The following CSNK1G3 variants were observed in gnomAD, a reference collection of about 807,000 sequenced individuals.
CSNK1G3 encodes casein kinase 1 gamma 3, also known as casein kinase I isoform gamma-3.
CSNK1G3 carries 23 observed loss-of-function variants against 64.3 expected under a neutral mutation model. The observed-to-expected ratio is 0.36, with a 90% CI of 0.26 to 0.51. CSNK1G3 has a LOEUF of 0.51. CSNK1G3 is among the 20% of genes least tolerant of loss of function. The probability of loss-of-function intolerance (pLI) is 0.96; values close to 1 mark genes in which losing one functional copy is unlikely to be tolerated. For missense variants in CSNK1G3, 357 were observed against 510.5 expected, an observed-to-expected ratio of 0.70 and a Z score of 2.90; for synonymous variants, 158 against 162.2, an observed-to-expected ratio of 0.97 and a Z score of 0.20.
chr5:123,526,397 T>C (rs978870103), intron 1 of CSNK1G3, among the ~76,000 whole-genome samples: 4 of 152,064 alleles, frequency 2.6e-5, no homozygotes, highest in Admixed American at 6.5e-5. Flanking sequence ...TAAAATTAAA[T>C]TTATTAGTGG....
At chr5:123,588,024 A>G in intron 6 of CSNK1G3, 44 bp from the exon 7 acceptor site, 1 of 1,252,624 alleles carries the variant, frequency 8.0e-7, no homozygotes, top group Non-Finnish European at 1.1e-6. Context: ...TTCCATTCTT[A>G]ACTGTTAGAG....
Position 123,532,551 on chromosome 5 carries a change from CTG to C in CSNK1G3, c.-247-12863_-247-12862del, listed in dbSNP as rs767362668. Among the ~76,000 whole-genome samples the C allele has an allele frequency of 5.3e-5, 8 of 151,866 alleles. No individual in the cohort carries two copies. The South Asian group carries it at 1.0e-3, about 20-fold the overall frequency. On this transcript the variant is annotated intron_variant, in intron 1 of 12. Coordinates refer to ENST00000345990, the Ensembl canonical transcript of CSNK1G3. ...CTTTTGATATCAAACCTGTTGAAAA[CTG>C]TGGTTTTCTCTTTAGAAAATTCTCA...
intron 10 of CSNK1G3, among the ~76,000 whole-genome samples, chr5:123,598,135 A>G (rs1793784133): frequency 6.6e-6 from 1 of 152,156 alleles, no homozygotes; most frequent in Non-Finnish European, 1.5e-5. Context: ...ATATTCAGAT[A>G]TCTACTACCT....
chr5:123,539,437 T>TA (rs375475060), intron 1 of CSNK1G3, among the ~76,000 whole-genome samples: 64,297 of 132,996 alleles, frequency 0.48, 15,690 homozygotes, highest in Middle Eastern at 0.61. Context: ...AAGAGCAGAT[T>TA]AAAAAAAAAA....
chr5:123,611,940 A>G (rs1244091269), intron 12 of CSNK1G3, among the ~76,000 whole-genome samples: 3 of 152,226 alleles, frequency 2.0e-5, no homozygotes, highest in Admixed American at 6.5e-5. Flanking sequence ...TATCTTTTAG[A>G]AAGTAATTGA....
intron 3 of CSNK1G3, among the ~76,000 whole-genome samples, chr5:123,553,812 G>C (rs1305631361): frequency 1.3e-5 from 2 of 152,188 alleles, no homozygotes; most frequent in Admixed American, 1.3e-4. Flanking sequence ...TTTGCAGCCA[G>C]GTTTCCCTGT....
At chr5:123,544,726 A>T (rs1297029046) in intron 1 of CSNK1G3, among the ~76,000 whole-genome samples, 1 of 152,236 alleles carries the variant, frequency 6.6e-6, no homozygotes, top group Non-Finnish European at 1.5e-5. Flanking sequence ...TTTTATCTGC[A>T]TGTTAGAAAT....
At chr5:123,588,188 A>G (rs764863600) in intron 7 of CSNK1G3, 35 bp downstream of exon 7, 2 of 1,436,136 alleles carry the variant, frequency 1.4e-6, no homozygotes, top group African/African-American at 2.8e-5. Flanking sequence ...TGAATTTCAT[A>G]AAATATTAAG....
intron 3 of CSNK1G3, among the ~76,000 whole-genome samples, chr5:123,556,877 T>C (rs576647113): frequency 4.6e-5 from 7 of 152,084 alleles, no homozygotes; most frequent in Admixed American, 3.9e-4. Context: ...TAATATCATT[T>C]AGGTGAAATC....
At chr5:123,532,724 A>T (rs1000387022) in intron 1 of CSNK1G3, among the ~76,000 whole-genome samples, 2 of 151,908 alleles carry the variant, frequency 1.3e-5, no homozygotes, top group African/African-American at 2.4e-5. Context: ...TTTTTGAAAT[A>T]TTCTTCTCAA....
At chr5:123,513,004 T>G (rs976230557) in intron 1 of CSNK1G3, among the ~76,000 whole-genome samples, 2 of 151,844 alleles carry the variant, frequency 1.3e-5, no homozygotes, top group Non-Finnish European at 2.9e-5. Flanking sequence ...GAGTAGGGGC[T>G]TCAGGCAGGA....
chr5:123,591,463 T>G (rs770139237), intron 10 of CSNK1G3, 49 bp downstream of exon 10: 74 of 1,233,570 alleles, frequency 6.0e-5, no homozygotes, highest in Non-Finnish European at 8.4e-5. Flanking sequence ...GATTGAAACA[T>G]ACACTTTTTT....
At chr5:123,561,770 G>A (rs1463232749) in intron 4 of CSNK1G3, among the ~76,000 whole-genome samples, 1 of 151,836 alleles carries the variant, frequency 6.6e-6, no homozygotes, top group African/African-American at 2.4e-5. Context: ...TTATTTTCTC[G>A]ACAGTTTCTC....
At chr5:123,519,486 A>G (rs1257327452) in intron 1 of CSNK1G3, among the ~76,000 whole-genome samples, 1 of 152,218 alleles carries the variant, frequency 6.6e-6, no homozygotes, top group Non-Finnish European at 1.5e-5. Context: ...TTAATTTTAC[A>G]TTAAAATTTT....
At chr5:123,529,172 T>G (rs1160445404) in intron 1 of CSNK1G3, among the ~76,000 whole-genome samples, 1 of 152,204 alleles carries the variant, frequency 6.6e-6, no homozygotes, top group Non-Finnish European at 1.5e-5. Context: ...TGTTGGCTAT[T>G]AGTGCAATGT....
chr5:123,534,716 A>C (rs1170665286), intron 1 of CSNK1G3, among the ~76,000 whole-genome samples: 1 of 151,914 alleles, frequency 6.6e-6, no homozygotes, highest in Non-Finnish European at 1.5e-5. Context: ...CCCCACTTGA[A>C]CCTCCAGATG....
At chr5:123,542,838 T>C (rs985727071) in intron 1 of CSNK1G3, among the ~76,000 whole-genome samples, 2 of 142,932 alleles carry the variant, frequency 1.4e-5, no homozygotes, top group South Asian at 4.4e-4. Flanking sequence ...GTTTGTGATA[T>C]GCCTAGATTT....
chr5:123,586,437 T>C (rs1253702323), intron 6 of CSNK1G3, among the ~76,000 whole-genome samples: 1 of 152,236 alleles, frequency 6.6e-6, no homozygotes, highest in Non-Finnish European at 1.5e-5. Context: ...CTAGTTTTTT[T>C]CATATTCTCA....
intron 1 of CSNK1G3, among the ~76,000 whole-genome samples, chr5:123,526,150 A>G (rs1318416744): frequency 6.6e-6 from 1 of 151,972 alleles, no homozygotes; most frequent in Non-Finnish European, 1.5e-5. Context: ...TGATACTCCC[A>G]TCTCAGCCCC....
Sources: gnomAD v4.1 joint callset for allele counts (sites outside exome capture counted in the v4.1 genomes callset) on GRCh38, gnomAD v4.1.1 for gene constraint, MANE v1.5 for transcripts, NCBI Gene and HGNC (gene_info 2026-07-23, HGNC 2026-07-21) for gene names.